The following TRIM44 variants were observed in gnomAD, a reference collection of about 807,000 sequenced individuals.
TRIM44 encodes tripartite motif containing 44.
TRIM44 carries 13 observed loss-of-function variants against 37.4 expected under a neutral mutation model. The observed-to-expected ratio is 0.35, with a 90% CI of 0.23 to 0.55. The LOEUF (loss-of-function observed/expected upper bound fraction) is 0.55, where lower values mean the gene tolerates loss of function less well. Ranked by LOEUF, TRIM44 falls within the 20% of genes least tolerant of loss-of-function variation. The probability of loss-of-function intolerance (pLI) is 0.89; values close to 1 mark genes in which losing one functional copy is unlikely to be tolerated. For synonymous variants in TRIM44, 175 were observed against 157.2 expected (o/e 1.11, Z -0.85); for missense variants, 426 against 437.2 (o/e 0.97, Z 0.23).
At chr11:35,764,950 C>G (rs1410788939) in intron 4 of TRIM44, among the ~76,000 whole-genome samples, 1 of 151,966 alleles carries the variant, frequency 6.6e-6, no homozygotes, top group Non-Finnish European at 1.5e-5. Flanking sequence ...CTTCTCATAC[C>G]CATCCCTATT....
In TRIM44 at chr11:35,729,568, T is replaced by C. The variant is rs376576761; in HGVS notation, c.987+3405T>C. 6.9e-4 allele frequency among the ~76,000 whole-genome samples: 105 copies of C among 152,276 alleles called. 1 individual carries two copies. The East Asian group carries it at 0.014, about 21-fold the overall frequency. ...CCCAGCTGAGTCAGTTATTGGAATT[T>C]TATCATTCACTCCTGCCCTGTAGTA... On this transcript the variant is annotated intron_variant, in intron 3 of 4. Coordinates refer to ENST00000299413, the MANE Select transcript of TRIM44 (RefSeq NM_017583.6).
At chr11:35,695,522 C>T (rs888644071) in intron 2 of TRIM44, among the ~76,000 whole-genome samples, 2 of 151,948 alleles carry the variant, frequency 1.3e-5, no homozygotes, top group African/African-American at 4.8e-5. Context: ...GAATTCTTAC[C>T]CAGTTCAAAT....
intron 2 of TRIM44, among the ~76,000 whole-genome samples, chr11:35,721,279 TA>T (rs1852103258): frequency 6.6e-6 from 1 of 152,188 alleles, no homozygotes; most frequent in African/African-American, 2.4e-5. Flanking sequence ...ACATTTCTTT[TA>T]AAAAATAGTT....
At position 35,726,121 on chromosome 11, in the gene TRIM44, A is replaced by T. The variant is rs1308395716; in HGVS notation, c.945A>T (p.Glu315Asp). 6.2e-7 allele frequency: 1 copy of T among 1,614,172 alleles called. No homozygotes were observed. Among genetic ancestry groups the T allele is most frequent in the Admixed American group, 1.7e-5 (1 of 60,018 alleles). Residue 315 changes from glutamate (E) to aspartate (D), a missense_variant, in exon 3 of 5, where the codon GAA becomes GAT. Physicochemically the swap from Glu to Asp is conservative, Grantham distance 45 (BLOSUM62 2). Around this residue, in one of 2 missense-constraint regions of TRIM44, gnomAD observed 95 missense variants for 134.2 expected, o/e 0.71. Coordinates refer to ENST00000299413, the MANE Select transcript of TRIM44 (RefSeq NM_017583.6). ...TGACTCAGATGGCCCAAGCCAAGGA[A>T]CAACTTGATACCTCTAATGAATCAG... is the stretch of plus-strand genomic sequence containing the variant. ...RLMTQMAQAK[E>D]QLDTSNESAE... is the part of the protein sequence containing the mutation.
intron 4 of TRIM44, among the ~76,000 whole-genome samples, chr11:35,759,958 G>T (rs1012684289): frequency 7.2e-5 from 11 of 152,196 alleles, no homozygotes; most frequent in Non-Finnish European, 1.6e-4. Context: ...CCCACTTGAG[G>T]CAGTCTGTCT....
intron 1 of TRIM44, among the ~76,000 whole-genome samples, chr11:35,683,482 A>G (rs987346219): frequency 7.2e-5 from 11 of 152,122 alleles, no homozygotes; most frequent in African/African-American, 2.7e-4. Flanking sequence ...GGTATTTCCT[A>G]TTTTGGAGGA....
At chr11:35,789,712 C>T (rs144415939) in intron 4 of TRIM44, among the ~76,000 whole-genome samples, 346 of 152,250 alleles carry the variant, frequency 2.3e-3, no homozygotes, top group African/African-American at 7.8e-3. Flanking sequence ...AGAGGGCGAC[C>T]GGGCCTTACT....
chr11:35,750,403 T>C lies in TRIM44; in HGVS notation c.1007+14958T>C, dbSNP rs11033263. Among the ~76,000 whole-genome samples, 2,114 of 152,284 alleles carry C rather than the reference T, an allele frequency of 0.014. 117 individuals are homozygous for C. The East Asian group carries it at 0.14, about 10-fold the overall frequency. On this transcript the variant is annotated intron_variant, in intron 4 of 4. Transcript: ENST00000299413. Reference sequence around the variant, plus strand: ...CTCCCAATGCAGAGCTTTCTAGATATATTAGACTAAACACTATTTTAGCTC... The same window carrying C: ...CTCCCAATGCAGAGCTTTCTAGATACATTAGACTAAACACTATTTTAGCTC...
intron 1 of TRIM44, among the ~76,000 whole-genome samples, chr11:35,667,328 G>A (rs1280026509): frequency 3.9e-5 from 6 of 152,104 alleles, no homozygotes; most frequent in Non-Finnish European, 1.5e-5. Context: ...TACCTCAAAA[G>A]CCTGTGTCCT....
chr11:35,803,928 T>C (rs1239383069), intron 4 of TRIM44, among the ~76,000 whole-genome samples: 3 of 151,858 alleles, frequency 2.0e-5, no homozygotes, highest in Admixed American at 6.6e-5. Context: ...TTTTCATTAT[T>C]GTGAGAAGTG....
At chr11:35,800,034 T>C (rs1158925006) in intron 4 of TRIM44, among the ~76,000 whole-genome samples, 3 of 148,996 alleles carry the variant, frequency 2.0e-5, no homozygotes, top group Admixed American at 6.8e-5. Context: ...GTGTCTGGAA[T>C]TTATTCCTTC....
chr11:35,688,548 C>T (rs933417509), intron 2 of TRIM44, among the ~76,000 whole-genome samples: 5 of 152,074 alleles, frequency 3.3e-5, no homozygotes, highest in African/African-American at 1.2e-4. Context: ...CAAAATTATA[C>T]CCATGGTTTT....
chr11:35,732,518 C>T (rs1180878424), intron 3 of TRIM44, among the ~76,000 whole-genome samples: 4 of 152,122 alleles, frequency 2.6e-5, no homozygotes, highest in Admixed American at 2.0e-4. Flanking sequence ...GTGTTAGGTG[C>T]GGTGAATACA....
At chr11:35,672,878 G>T (rs537385088) in intron 1 of TRIM44, among the ~76,000 whole-genome samples, 1 of 152,286 alleles carries the variant, frequency 6.6e-6, no homozygotes, top group African/African-American at 2.4e-5. Context: ...ATACATAGTG[G>T]TTCAACCAGT....
At chr11:35,789,380 T>A (rs1439158062) in intron 4 of TRIM44, among the ~76,000 whole-genome samples, 1 of 152,220 alleles carries the variant, frequency 6.6e-6, no homozygotes, top group African/African-American at 2.4e-5. Flanking sequence ...CATGAAAGTT[T>A]AGTATGTGTA....
At chr11:35,796,876 T>G (rs1853299507) in intron 4 of TRIM44, among the ~76,000 whole-genome samples, 1 of 152,170 alleles carries the variant, frequency 6.6e-6, no homozygotes, top group South Asian at 2.1e-4. Context: ...ACACACTGTA[T>G]CCCATGCCAG....
rs1851298448 is a variant in TRIM44, at chr11:35,663,467, A to G, written c.356A>G (p.Asp119Gly). The change falls in exon 1 of 5, where the codon GAT becomes GGT. Residue 119 changes from aspartate to glycine, a missense_variant. Physicochemically the swap from Asp to Gly is moderately conservative, Grantham distance 94. Around this residue, in one of 2 missense-constraint regions of TRIM44, gnomAD observed 331 missense variants for 303.0 expected, o/e 1.09. Transcript: ENST00000299413. ...AGCGAGACAGAGGAAGAGAGTGAGG[A>G]TGAGAGCGATGAGGAGAGTGAAGAA... ...EESETEEESE[D>G]ESDEESEEDS... is the part of the protein sequence containing the mutation. 2 of 1,564,978 alleles carry G rather than the reference A, an allele frequency of 1.3e-6. No homozygotes were observed. Among genetic ancestry groups the G allele is most frequent in the African/African-American group, 1.4e-5 (1 of 73,662 alleles).
chr11:35,761,159 G>A (rs954739221), intron 4 of TRIM44, among the ~76,000 whole-genome samples: 4 of 152,048 alleles, frequency 2.6e-5, no homozygotes, highest in African/African-American at 7.2e-5. Flanking sequence ...ATTCCATTGT[G>A]TATATATACT....
intron 2 of TRIM44, among the ~76,000 whole-genome samples, chr11:35,703,780 A>G: frequency 6.6e-6 from 1 of 152,148 alleles, no homozygotes. Context: ...ATCATCAAAG[A>G]CCAAAAGTAG....
Sources: allele counts gnomAD v4.1 joint callset (sites outside exome capture counted in the v4.1 genomes callset), GRCh38; gene constraint gnomAD v4.1.1; regional missense constraint gnomAD v4.1.1; transcripts MANE v1.5; gene names NCBI Gene and HGNC (gene_info 2026-07-23, HGNC 2026-07-21).